BCKDHB: variants seen among roughly 807,000 people sequenced by gnomAD.
The protein encoded by BCKDHB is branched chain keto acid dehydrogenase E1 subunit beta.
A neutral mutation model predicts 48.5 loss-of-function variants in BCKDHB; 41 were observed. That is an observed-to-expected ratio of 0.85 (90% CI 0.66 to 1.10). The LOEUF is 1.10. BCKDHB is among the 50% of genes least tolerant of loss of function. The probability of loss-of-function intolerance (pLI) is 0.00; values close to 1 mark genes in which losing one functional copy is unlikely to be tolerated. For synonymous variants in BCKDHB, 201 were observed against 174.8 expected (o/e 1.15, Z -1.18); for missense variants, 496 against 494.2 (o/e 1.00, Z -0.03).
chr6:80,229,848 A>T (rs1246389658), intron 8 of BCKDHB, among the ~76,000 whole-genome samples: 1 of 152,004 alleles, frequency 6.6e-6, no homozygotes, highest in African/African-American at 2.4e-5. Flanking sequence ...ACTATAAAAT[A>T]CTTTAGAATA....
At chr6:80,237,891 G>GGAA (rs1432060818) in intron 8 of BCKDHB, among the ~76,000 whole-genome samples, 1 of 152,154 alleles carries the variant, frequency 6.6e-6, no homozygotes, top group Non-Finnish European at 1.5e-5. Context: ...ATAAAAAAAA[G>GGAA]GAAGAATGAA....
the BCKDHB span, among the ~76,000 whole-genome samples, chr6:80,392,862 C>CTTT: frequency 3.3e-3 from 341 of 102,046 alleles, 6 homozygotes; most frequent in South Asian, 0.048. Flanking sequence ...ACCTTTTTAA[C>CTTT]TTTTTTTTTT....
chr6:80,426,739 G>C, the BCKDHB span, among the ~76,000 whole-genome samples: 7 of 152,048 alleles, frequency 4.6e-5, no homozygotes, highest in African/African-American at 1.7e-4. Context: ...TTATGGCCCA[G>C]AATATAGTTT....
At chr6:80,399,871 G>T in the BCKDHB span, among the ~76,000 whole-genome samples, 1 of 151,944 alleles carries the variant, frequency 6.6e-6, no homozygotes, top group Admixed American at 6.6e-5. Context: ...CATGGTATTG[G>T]TACAAAACCA....
chr6:80,297,600 C>T (rs1307221040), intron 9 of BCKDHB, among the ~76,000 whole-genome samples: 2 of 152,102 alleles, frequency 1.3e-5, no homozygotes, highest in East Asian at 3.9e-4. Flanking sequence ...AACTGATTTC[C>T]AAAAATTAAG....
the BCKDHB span, chr6:80,373,871 C>T: frequency 5.6e-6 from 2 of 360,008 alleles, no homozygotes; most frequent in Non-Finnish European, 1.1e-5. Flanking sequence ...ATTTTTCTAC[C>T]CCTTTACCTT....
At chr6:80,388,819 T>G in the BCKDHB span, among the ~76,000 whole-genome samples, 1 of 152,304 alleles carries the variant, frequency 6.6e-6, no homozygotes, top group African/African-American at 2.4e-5. Flanking sequence ...GCTGCAGCAC[T>G]ACAGCCCCTT....
intron 8 of BCKDHB, among the ~76,000 whole-genome samples, chr6:80,255,430 G>T (rs1392099226): frequency 6.6e-6 from 1 of 151,788 alleles, no homozygotes; most frequent in Non-Finnish European, 1.5e-5. Flanking sequence ...AGACCATTTT[G>T]ATATTAAATT....
At chr6:80,240,872 C>T (rs1776355559) in intron 8 of BCKDHB, among the ~76,000 whole-genome samples, 1 of 152,186 alleles carries the variant, frequency 6.6e-6, no homozygotes, top group Non-Finnish European at 1.5e-5. Flanking sequence ...TTCTCCCCGT[C>T]ACTTTCAGGT....
chr6:80,300,436 G>A (rs1767521283), intron 9 of BCKDHB, among the ~76,000 whole-genome samples: 1 of 152,064 alleles, frequency 6.6e-6, no homozygotes, highest in South Asian at 2.1e-4. Flanking sequence ...ATGATAAAGG[G>A]TACAATCCAA....
At chr6:80,421,556 A>C in the BCKDHB span, among the ~76,000 whole-genome samples, 2 of 152,316 alleles carry the variant, frequency 1.3e-5, no homozygotes, top group East Asian at 1.9e-4. Flanking sequence ...GACTTGTTGA[A>C]TGGTTTTGAT....
At chr6:80,429,076 A>T in the BCKDHB span, among the ~76,000 whole-genome samples, 1 of 152,184 alleles carries the variant, frequency 6.6e-6, no homozygotes, top group Non-Finnish European at 1.5e-5. Flanking sequence ...GTCCAGTTTC[A>T]GTTTTCTGTA....
chr6:80,336,562 A>ATTT (rs58750626), intron 9 of BCKDHB, among the ~76,000 whole-genome samples: 1 of 151,032 alleles, frequency 6.6e-6, no homozygotes, highest in African/African-American at 2.4e-5. Context: ...GAAGAGATGG[A>ATTT]TTTTTTTTTA....
At chr6:80,396,828 C>A in the BCKDHB span, among the ~76,000 whole-genome samples, 1 of 152,160 alleles carries the variant, frequency 6.6e-6, no homozygotes, top group Non-Finnish European at 1.5e-5. Context: ...GCCTTCCAAG[C>A]CATGTGGAAC....
At chr6:80,123,197 C>T (rs1246725293) in intron 1 of BCKDHB, among the ~76,000 whole-genome samples, 1 of 152,020 alleles carries the variant, frequency 6.6e-6, no homozygotes, top group African/African-American at 2.4e-5. Flanking sequence ...TTTCAAGGTG[C>T]ACTGATTTCA....
At chr6:80,402,077 G>T in the BCKDHB span, among the ~76,000 whole-genome samples, 3 of 151,692 alleles carry the variant, frequency 2.0e-5, no homozygotes, top group African/African-American at 7.3e-5. Flanking sequence ...AATAAGCATG[G>T]GGGAGCAGAT....
the BCKDHB span, among the ~76,000 whole-genome samples, chr6:80,413,000 C>T: frequency 1.3e-5 from 2 of 152,062 alleles, no homozygotes; most frequent in Non-Finnish European, 2.9e-5. Flanking sequence ...TTATTCTCAA[C>T]CTATTTGGAG....
intron 3 of BCKDHB, among the ~76,000 whole-genome samples, chr6:80,149,879 A>C (rs1771680843): frequency 6.6e-6 from 1 of 151,398 alleles, no homozygotes; most frequent in African/African-American, 2.4e-5. Context: ...CCTAATGCTA[A>C]ATGACGAGTT....
At chr6:80,222,353 A>T (rs1398383131) in intron 8 of BCKDHB, among the ~76,000 whole-genome samples, 1 of 152,234 alleles carries the variant, frequency 6.6e-6, no homozygotes, top group African/African-American at 2.4e-5. Flanking sequence ...TTTAATTGGC[A>T]GCTATGAATC....
Sources: allele counts gnomAD v4.1 joint callset (sites outside exome capture counted in the v4.1 genomes callset), GRCh38; gene constraint gnomAD v4.1.1; transcripts MANE v1.5; gene names NCBI Gene and HGNC (gene_info 2026-07-23, HGNC 2026-07-21).